GNA14: variants seen among roughly 807,000 people sequenced by gnomAD.
The protein encoded by GNA14 is guanine nucleotide-binding protein subunit alpha-14.
GNA14 carries 50 observed loss-of-function variants against 42.0 expected under a neutral mutation model. The ratio of observed to expected loss-of-function variants is 1.19; its 90% CI spans 0.95 to 1.51. GNA14 has a LOEUF of 1.51. Ranked by LOEUF, GNA14 falls within the 40% of genes most tolerant of loss-of-function variation. The pLI is 0.00. For synonymous variants in GNA14, 173 were observed against 163.1 expected (o/e 1.06, Z -0.46); for missense variants, 473 against 446.2 (o/e 1.06, Z -0.54).
intron 1 of GNA14, among the ~76,000 whole-genome samples, chr9:77,582,527 G>A (rs1013064978): frequency 5.9e-5 from 9 of 152,150 alleles, no homozygotes; most frequent in South Asian, 2.1e-4. Flanking sequence ...ATCACTCAAC[G>A]ACAATTTGCA....
At chr9:77,551,055 T>C (rs1176801996) in intron 1 of GNA14, among the ~76,000 whole-genome samples, 1 of 152,204 alleles carries the variant, frequency 6.6e-6, no homozygotes, top group Admixed American at 6.5e-5. Context: ...CCTCAAAACA[T>C]ACATTGCTGA....
At chr9:77,594,243 A>G (rs1587841842) in intron 1 of GNA14, among the ~76,000 whole-genome samples, 1 of 152,358 alleles carries the variant, frequency 6.6e-6, no homozygotes, top group African/African-American at 2.4e-5. Context: ...GGGCAGGCCC[A>G]TTCTTTAAAT....
chr9:77,499,021 G>A (rs757132044), intron 2 of GNA14, among the ~76,000 whole-genome samples: 1 of 152,174 alleles, frequency 6.6e-6, no homozygotes, highest in Non-Finnish European at 1.5e-5. Context: ...TATGTGGGGT[G>A]GGGAGCCAAT....
At chr9:77,597,864 C>A (rs142038016) in intron 1 of GNA14, among the ~76,000 whole-genome samples, 1 of 151,898 alleles carries the variant, frequency 6.6e-6, no homozygotes, top group African/African-American at 2.4e-5. Flanking sequence ...GAGTTCGAGA[C>A]CAGCCTGGCC....
intron 2 of GNA14, among the ~76,000 whole-genome samples, chr9:77,523,414 A>T (rs1837388986): frequency 6.6e-6 from 1 of 152,106 alleles, no homozygotes; most frequent in Middle Eastern, 3.2e-3. Context: ...TCAAACAACC[A>T]GAATTCACGA....
intron 1 of GNA14, among the ~76,000 whole-genome samples, chr9:77,609,182 T>C (rs1444811252): frequency 6.6e-6 from 1 of 152,222 alleles, no homozygotes; most frequent in Non-Finnish European, 1.5e-5. Flanking sequence ...CTCAGCTAAA[T>C]ATCAACTTCA....
intron 1 of GNA14, among the ~76,000 whole-genome samples, chr9:77,552,687 T>C (rs1235957284): frequency 1.3e-5 from 2 of 152,214 alleles, no homozygotes; most frequent in African/African-American, 4.8e-5. Context: ...CAGAAGGACC[T>C]ACCGTTGTAG....
intron 1 of GNA14, among the ~76,000 whole-genome samples, chr9:77,626,065 A>G (rs1440922302): frequency 1.3e-5 from 2 of 151,938 alleles, no homozygotes; most frequent in East Asian, 1.9e-4. Flanking sequence ...TGGAAAGAAA[A>G]AAAAAAAGAA....
At chr9:77,472,421 C>A (rs1836347653) in intron 2 of GNA14, among the ~76,000 whole-genome samples, 1 of 151,828 alleles carries the variant, frequency 6.6e-6, no homozygotes, top group Admixed American at 6.6e-5. Flanking sequence ...GAGGTTCTAG[C>A]CAGGACAATT....
At chr9:77,609,842 A>T (rs1464472933) in intron 1 of GNA14, among the ~76,000 whole-genome samples, 1 of 152,164 alleles carries the variant, frequency 6.6e-6, no homozygotes, top group Non-Finnish European at 1.5e-5. Context: ...TCTTCTCCTG[A>T]TCCAGCCCGC....
intron 2 of GNA14, among the ~76,000 whole-genome samples, chr9:77,466,373 T>C (rs1406373678): frequency 6.6e-6 from 1 of 152,212 alleles, no homozygotes; most frequent in Non-Finnish European, 1.5e-5. Context: ...TTTTCCTCTG[T>C]TAGCTCAAAT....
rs140648064 is a variant in GNA14, at chr9:77,603,646, C to A, written c.124+44024G>T. On this transcript the variant is annotated intron_variant, in intron 1 of 6. Coordinates refer to ENST00000341700, the MANE Select transcript of GNA14 (RefSeq NM_004297.4). The stretch of plus-strand genomic sequence containing the variant: ...TAAACTGAGAAGAGGAATCCAAGGG[C>A]AGCCAGCAATGTGTCACGGGAGTCA... Among the ~76,000 whole-genome samples the A allele has an allele frequency of 6.9e-3, 1,054 of 152,048 alleles. 8 individuals are homozygous for A. Among genetic ancestry groups the A allele is most frequent in the Non-Finnish European group, 0.01 (687 of 67,960 alleles).
intron 1 of GNA14, among the ~76,000 whole-genome samples, chr9:77,632,853 T>G (rs549658566): frequency 6.6e-6 from 1 of 152,264 alleles, no homozygotes; most frequent in East Asian, 1.9e-4. Flanking sequence ...TGACTCTCCC[T>G]TGGCAGGTGT....
intron 1 of GNA14, among the ~76,000 whole-genome samples, chr9:77,646,829 G>C (rs1315370787): frequency 6.6e-6 from 1 of 152,168 alleles, no homozygotes; most frequent in African/African-American, 2.4e-5. Context: ...GCATAACTTG[G>C]GCAAACCTTA....
intron 1 of GNA14, among the ~76,000 whole-genome samples, chr9:77,585,082 C>T (rs890213166): frequency 2.0e-5 from 3 of 152,110 alleles, no homozygotes; most frequent in South Asian, 4.2e-4. Context: ...GGAAATGCAG[C>T]CCAGTAGGTT....
intron 1 of GNA14, among the ~76,000 whole-genome samples, chr9:77,560,116 G>T (rs1822853595): frequency 6.6e-6 from 1 of 152,126 alleles, no homozygotes; most frequent in Admixed American, 6.5e-5. Flanking sequence ...CTGGGAAAGG[G>T]CTATAAATTT....
chr9:77,425,870 C>T (rs1229946324), intron 5 of GNA14, among the ~76,000 whole-genome samples, 155 bp from the exon 6 acceptor site: 3 of 152,184 alleles, frequency 2.0e-5, no homozygotes, highest in Admixed American at 2.0e-4. Context: ...CCCCAGGCTA[C>T]AGGCCTCCTG....
chr9:77,547,400 T>A (rs1007011216), intron 1 of GNA14, among the ~76,000 whole-genome samples: 14 of 152,198 alleles, frequency 9.2e-5, no homozygotes, highest in African/African-American at 3.1e-4. Context: ...ATTCCGTTGT[T>A]ACAAGAAAAA....
intron 2 of GNA14, among the ~76,000 whole-genome samples, chr9:77,482,339 T>G (rs962956448): frequency 5.3e-5 from 8 of 152,194 alleles, no homozygotes; most frequent in Non-Finnish European, 8.8e-5. Flanking sequence ...AAGAAAAGAA[T>G]TCTGGGTTGA....
Sources: allele counts gnomAD v4.1 joint callset (sites outside exome capture counted in the v4.1 genomes callset), GRCh38; gene constraint gnomAD v4.1.1; transcripts MANE v1.5; gene names NCBI Gene and HGNC (gene_info 2026-07-23, HGNC 2026-07-21).